The following PVT1 variants were observed in gnomAD, a reference collection of about 807,000 sequenced individuals.
PVT1 encodes the protein CXCR4/PVT1 fusion.
At chr8:127,967,317 G>A (rs933862585) in intron 3 of PVT1, among the ~76,000 whole-genome samples, 33 of 151,908 alleles carry the variant, frequency 2.2e-4, no homozygotes, top group African/African-American at 7.5e-4. Flanking sequence ...CTTCTGGGGG[G>A]CTTAGAGAAG....
rs558951715 is a variant in PVT1, at chr8:127,915,923, A to G, written n.782+24925A>G. Among the ~76,000 whole-genome samples the G allele has an allele frequency of 3.5e-4, 54 of 152,358 alleles. No homozygotes were observed. In the South Asian group the frequency reaches 0.011, roughly 31 times the overall value. On this transcript the variant is annotated intron_variant and non_coding_transcript_variant, in intron 3 of 10. Transcript: ENST00000651587. Reference sequence around the variant, plus strand: ...TACATCACCTGACCCTGAAGAGCCCAGATCTATGTCTTTTCATGCAACCTT... The same window carrying G: ...TACATCACCTGACCCTGAAGAGCCCGGATCTATGTCTTTTCATGCAACCTT...
chr8:127,990,624 G>C (rs1586470415), intron 4 of PVT1, among the ~76,000 whole-genome samples: 1 of 152,260 alleles, frequency 6.6e-6, no homozygotes, highest in Non-Finnish European at 1.5e-5. Context: ...AGAAGACAGA[G>C]AAGTCAGAAC....
At chr8:127,917,483 C>T (rs1409158901) in intron 3 of PVT1, among the ~76,000 whole-genome samples, 2 of 152,342 alleles carry the variant, frequency 1.3e-5, no homozygotes, top group South Asian at 4.1e-4. Flanking sequence ...TGACCCAGGA[C>T]AGACTGGTCT....
At chr8:128,067,006 C>T (rs1184862591) in intron 4 of PVT1, among the ~76,000 whole-genome samples, 1 of 152,166 alleles carries the variant, frequency 6.6e-6, no homozygotes, top group African/African-American at 2.4e-5. Context: ...CCCTGCAAAC[C>T]TACCTGTCCT....
intron 3 of PVT1, among the ~76,000 whole-genome samples, chr8:127,941,714 T>A (rs566436930): frequency 3.9e-5 from 6 of 152,374 alleles, no homozygotes; most frequent in East Asian, 1.9e-4. Flanking sequence ...ACCGTGATCA[T>A]CATGCCTTTG....
intron 3 of PVT1, among the ~76,000 whole-genome samples, chr8:127,959,852 G>A (rs540074416): frequency 4.6e-5 from 7 of 152,306 alleles, no homozygotes; most frequent in African/African-American, 1.7e-4. Context: ...CTAGCCCCAA[G>A]TGCAATATAC....
chr8:127,946,489 A>T (rs1482121835), intron 3 of PVT1: 1 of 152,240 alleles, frequency 6.6e-6, no homozygotes, highest in African/African-American at 2.4e-5. Flanking sequence ...TTTGTGTCTG[A>T]GAAAGTGCTG....
chr8:127,938,186 C>T (rs1249872521), intron 3 of PVT1, among the ~76,000 whole-genome samples: 5 of 152,174 alleles, frequency 3.3e-5, no homozygotes, highest in Admixed American at 2.0e-4. Flanking sequence ...CCAGAAACAG[C>T]GCCAGCCCTG....
chr8:127,855,894 A>G (rs898816627), intron 2 of PVT1, among the ~76,000 whole-genome samples: 1 of 152,232 alleles, frequency 6.6e-6, no homozygotes, highest in African/African-American at 2.4e-5. Context: ...CGCCCTGGCC[A>G]GAGCCCACAA....
chr8:128,019,186 ACT>A (rs1327346627), intron 4 of PVT1, among the ~76,000 whole-genome samples: 5 of 152,182 alleles, frequency 3.3e-5, no homozygotes, highest in African/African-American at 4.8e-5. Flanking sequence ...AAGGAAAAGA[ACT>A]CTGAAAATGA....
chr8:127,967,692 C>T (rs1349833423), intron 3 of PVT1, among the ~76,000 whole-genome samples: 1 of 152,230 alleles, frequency 6.6e-6, no homozygotes, highest in African/African-American at 2.4e-5. Context: ...GGCAGTACCG[C>T]TCCTGCCACA....
chr8:128,001,991 C>T (rs140158185), intron 4 of PVT1, among the ~76,000 whole-genome samples: 84 of 152,286 alleles, frequency 5.5e-4, no homozygotes, highest in African/African-American at 1.9e-3. Context: ...GGGGAGACAC[C>T]GACATTCAGA....
chr8:127,866,068 C>T (rs1390257430), intron 2 of PVT1, among the ~76,000 whole-genome samples: 2 of 152,024 alleles, frequency 1.3e-5, no homozygotes, highest in Admixed American at 1.3e-4. Flanking sequence ...GGCTGCCTGG[C>T]CAGGATGGCG....
chr8:128,095,621 G>A (rs943555455), intron 5 of PVT1, among the ~76,000 whole-genome samples: 2 of 152,192 alleles, frequency 1.3e-5, no homozygotes, highest in African/African-American at 4.8e-5. Flanking sequence ...CTGCTATAGT[G>A]GGGGAGTGGA....
intron 3 of PVT1, among the ~76,000 whole-genome samples, chr8:127,924,709 C>T (rs533342218): frequency 4.3e-4 from 66 of 152,150 alleles, no homozygotes; most frequent in African/African-American, 1.2e-3. Context: ...GATGGGGTTT[C>T]GCCGTGTTAG....
chr8:128,035,781 AGAG>A (rs1340157421), intron 4 of PVT1, among the ~76,000 whole-genome samples: 1 of 152,218 alleles, frequency 6.6e-6, no homozygotes, highest in African/African-American at 2.4e-5. Context: ...TGAATACCCT[AGAG>A]GAGGAGATAT....
chr8:127,968,689 G>T (rs758802570), intron 3 of PVT1, among the ~76,000 whole-genome samples: 1 of 152,218 alleles, frequency 6.6e-6, no homozygotes, highest in Non-Finnish European at 1.5e-5. Flanking sequence ...GCCCTTGAAC[G>T]TGACCTTAGT....
intron 3 of PVT1, among the ~76,000 whole-genome samples, chr8:127,949,902 C>T (rs921104731): frequency 3.3e-5 from 5 of 152,376 alleles, no homozygotes; most frequent in East Asian, 1.9e-4. Context: ...CCCTGCCCAG[C>T]GGCTGGATTC....
intron 3 of PVT1, among the ~76,000 whole-genome samples, chr8:127,907,626 C>T (rs1018978796): frequency 2.0e-5 from 3 of 152,138 alleles, no homozygotes; most frequent in South Asian, 2.1e-4. Context: ...TAGTTCAGAC[C>T]GTATTGTCAG....
Sources: gnomAD v4.1 joint callset for allele counts (sites outside exome capture counted in the v4.1 genomes callset) on GRCh38, gnomAD v4.1.1 for gene constraint, MANE v1.5 for transcripts, NCBI Gene and HGNC (gene_info 2026-07-23, HGNC 2026-07-21) for gene names.